The following TCF4 variants were observed in gnomAD, a reference collection of about 807,000 sequenced individuals.
TCF4 encodes the protein SL3-3 enhancer factor 2.
In TCF4, 3 loss-of-function variants were observed where a neutral mutation model predicts 82.1. That is an observed-to-expected ratio of 0.04 (90% CI 0.02 to 0.09). TCF4 has a LOEUF of 0.09. Among genes scored for constraint, TCF4 ranks in the 10% least tolerant of loss-of-function variants. The pLI, the probability that TCF4 is intolerant of heterozygous loss-of-function variation, is 1.00. For missense variants in TCF4, 518 were observed against 852.7 expected, an observed-to-expected ratio of 0.61 and a Z score of 4.89; for synonymous variants, 276 against 309.6, an observed-to-expected ratio of 0.89 and a Z score of 1.14.
Position 55,257,077 on chromosome 18 carries a change from T to C in TCF4, c.1146+238A>G, listed in dbSNP as rs11664966. ...GGAGAAGGCCATTGCCCTTCCAGGA[T>C]TTTATCTGCTACTAGATATTTAGAG... On this transcript the variant is annotated intron_variant, in intron 14 of 19. Coordinates refer to ENST00000354452, the MANE Select transcript of TCF4 (RefSeq NM_001083962.2). Among the ~76,000 whole-genome samples the C allele has an allele frequency of 4.4e-3, 671 of 152,208 alleles. 2 individuals carry two copies. The highest frequency in any genetic ancestry group is 5.7e-3 in the Non-Finnish European group (389 of 68,026).
intron 3 of TCF4, chr18:55,510,633 G>T: frequency 6.6e-7 from 1 of 1,512,906 alleles, no homozygotes; most frequent in Non-Finnish European, 8.8e-7. Flanking sequence ...CAATATATCT[G>T]GTGATTAAAA....
intron 5 of TCF4, among the ~76,000 whole-genome samples, chr18:55,425,067 C>G (rs758636034): frequency 1.6e-4 from 24 of 152,124 alleles, no homozygotes; most frequent in Non-Finnish European, 2.6e-4. Context: ...AAAGTTTAAT[C>G]AAAATAGACC....
chr18:55,624,640 T>G (rs1325289175), intron 2 of TCF4, among the ~76,000 whole-genome samples: 1 of 151,258 alleles, frequency 6.6e-6, no homozygotes, highest in Non-Finnish European at 1.5e-5. Flanking sequence ...CTCCTGAAGC[T>G]CAAACTTTCC....
At chr18:55,454,913 G>A (rs761337843) in intron 5 of TCF4, among the ~76,000 whole-genome samples, 2 of 152,266 alleles carry the variant, frequency 1.3e-5, no homozygotes, top group East Asian at 3.9e-4. Context: ...TTGGCTGGGC[G>A]TGGTGGCTCA....
chr18:55,442,697 G>A (rs2095459989), intron 5 of TCF4, among the ~76,000 whole-genome samples: 1 of 152,176 alleles, frequency 6.6e-6, no homozygotes, highest in South Asian at 2.1e-4. Context: ...TGGATACAAT[G>A]AAATCTGAGA....
intron 3 of TCF4, among the ~76,000 whole-genome samples, chr18:55,579,442 G>A (rs1327274038): frequency 9.5e-6 from 1 of 105,820 alleles, no homozygotes; most frequent in Non-Finnish European, 1.9e-5. Context: ...ATAAAAAATA[G>A]CTCATAAAAT....
At chr18:55,482,359 G>A (rs2096450946) in intron 3 of TCF4, 4 of 152,164 alleles carry the variant, frequency 2.6e-5, no homozygotes, top group Admixed American at 1.3e-4. Flanking sequence ...CTTAGGCCTG[G>A]ATGACCCGAA....
chr18:55,390,774 C>G (rs1423423533), intron 6 of TCF4, among the ~76,000 whole-genome samples: 1 of 152,052 alleles, frequency 6.6e-6, no homozygotes, highest in Non-Finnish European at 1.5e-5. Flanking sequence ...AGTCTGGAGT[C>G]CAAAAACTGA....
At chr18:55,351,395 C>A in intron 6 of TCF4, 1 of 235,390 alleles carries the variant, frequency 4.2e-6, no homozygotes, top group South Asian at 5.2e-5. Flanking sequence ...TGAACGCACA[C>A]AACTTCCCCT....
At chr18:55,533,858 T>A (rs1050275406) in intron 3 of TCF4, among the ~76,000 whole-genome samples, 2 of 152,164 alleles carry the variant, frequency 1.3e-5, no homozygotes, top group Non-Finnish European at 2.9e-5. Flanking sequence ...CATCTACCTT[T>A]CCCTTGTTCT....
At chr18:55,308,670 A>G (rs2071207691) in intron 8 of TCF4, among the ~76,000 whole-genome samples, 2 of 152,254 alleles carry the variant, frequency 1.3e-5, no homozygotes, top group Non-Finnish European at 2.9e-5. Flanking sequence ...CATTGTGTGC[A>G]GACAGGCAAA....
intron 8 of TCF4, among the ~76,000 whole-genome samples, chr18:55,327,350 A>G (rs1205043558): frequency 6.6e-6 from 1 of 152,114 alleles, no homozygotes; most frequent in Admixed American, 6.5e-5. Flanking sequence ...AGTGGCATGA[A>G]CTTATTTTCT....
At chr18:55,510,947 C>G (rs557872671) in intron 3 of TCF4, among the ~76,000 whole-genome samples, 2 of 152,248 alleles carry the variant, frequency 1.3e-5, no homozygotes, top group South Asian at 4.2e-4. Flanking sequence ...CAGCCTTGTT[C>G]AGTCTTCTGG....
At chr18:55,563,849 T>C (rs2097376461) in intron 3 of TCF4, among the ~76,000 whole-genome samples, 1 of 152,230 alleles carries the variant, frequency 6.6e-6, no homozygotes, top group African/African-American at 2.4e-5. Context: ...TATAATATCA[T>C]CAGAAATTTT....
At position 55,552,739 on chromosome 18, in the gene TCF4, C is replaced by T. The variant is rs2097271029; in HGVS notation, c.145+32541G>A. The stretch of plus-strand genomic sequence containing the variant: ...CCATCACCAACAGCTGCAGAACCCC[C>T]GGACTGAACCGCAGCCTCCCCATTA... On this transcript the variant is annotated intron_variant, in intron 3 of 19. Transcript: ENST00000354452. Among the ~76,000 whole-genome samples the T allele has an allele frequency of 1.3e-5, 2 of 152,334 alleles. 1 individual carries two copies. Among genetic ancestry groups the T allele is most frequent in the South Asian group, 4.1e-4 (2 of 4,824 alleles).
At chr18:55,498,123 A>C (rs1021634141) in intron 3 of TCF4, among the ~76,000 whole-genome samples, 4 of 152,306 alleles carry the variant, frequency 2.6e-5, no homozygotes, top group African/African-American at 9.6e-5. Flanking sequence ...GCTCTTTATC[A>C]ACCACATTAA....
intron 6 of TCF4, chr18:55,352,164 T>C (rs1019915819): frequency 6.5e-6 from 1 of 153,664 alleles, no homozygotes; most frequent in Non-Finnish European, 1.4e-5. Flanking sequence ...CGCTGAGAAC[T>C]GAAAAATTTC....
At chr18:55,522,511 A>G (rs928328666) in intron 3 of TCF4, among the ~76,000 whole-genome samples, 1 of 152,206 alleles carries the variant, frequency 6.6e-6, no homozygotes. Flanking sequence ...TGTCAACACA[A>G]AAGATTTGTG....
chr18:55,480,451 AAAATACAGT>A (rs1275156461), intron 3 of TCF4, among the ~76,000 whole-genome samples: 1 of 152,174 alleles, frequency 6.6e-6, no homozygotes, highest in African/African-American at 2.4e-5. Flanking sequence ...TTACGAAAAT[AAAATACAGT>A]ATTTGGTTAC....
Sources: allele counts gnomAD v4.1 joint callset (sites outside exome capture counted in the v4.1 genomes callset), GRCh38; gene constraint gnomAD v4.1.1; transcripts MANE v1.5; gene names NCBI Gene and HGNC (gene_info 2026-07-23, HGNC 2026-07-21).